MAML2: variants seen among roughly 807,000 people sequenced by gnomAD.
MAML2 encodes the protein mastermind like transcriptional coactivator 2.
Under a neutral mutation model 96.1 loss-of-function variants are expected in MAML2, and 22 were observed. The observed-to-expected ratio is 0.23, with a 90% confidence interval of 0.16 to 0.33. The LOEUF (loss-of-function observed/expected upper bound fraction) is 0.33, where lower values mean the gene tolerates loss of function less well. Ranked by LOEUF, MAML2 falls within the 10% of genes least tolerant of loss-of-function variation. The probability of loss-of-function intolerance (pLI) is 1.00; values close to 1 mark genes in which losing one functional copy is unlikely to be tolerated. For synonymous variants in MAML2, 561 were observed against 521.3 expected, an observed-to-expected ratio of 1.08 and a Z score of -1.04; for missense variants, 1,367 against 1,392.4, an observed-to-expected ratio of 0.98 and a Z score of 0.29.
At chr11:95,988,795 CA>C (rs1188413280) in intron 3 of MAML2, among the ~76,000 whole-genome samples, 12 of 151,922 alleles carry the variant, frequency 7.9e-5, no homozygotes, top group Non-Finnish European at 1.8e-4. Context: ...CTATTCTGTG[CA>C]AGTGTAAACA....
chr11:96,022,582 T>C (rs1858452212), intron 2 of MAML2, among the ~76,000 whole-genome samples: 1 of 145,486 alleles, frequency 6.9e-6, no homozygotes, highest in Non-Finnish European at 1.6e-5. Context: ...TCCCTGTCTA[T>C]CTGTCCCCCG....
At chr11:96,303,179 T>C (rs1243339853) in intron 1 of MAML2, among the ~76,000 whole-genome samples, 2 of 152,240 alleles carry the variant, frequency 1.3e-5, no homozygotes, top group Admixed American at 1.3e-4. Context: ...CAATGTTCTC[T>C]ATACTTTGCT....
At chr11:96,259,248 A>T (rs534368759) in intron 1 of MAML2, among the ~76,000 whole-genome samples, 4 of 151,270 alleles carry the variant, frequency 2.6e-5, no homozygotes, top group Non-Finnish European at 4.4e-5. Context: ...TTCTTTCCAG[A>T]TGTTTTTTTT....
chr11:96,034,456 A>AGAGAGAGTGTGTGT (rs766634690), intron 2 of MAML2, among the ~76,000 whole-genome samples: 13 of 144,830 alleles, frequency 9.0e-5, no homozygotes, highest in African/African-American at 3.4e-4. Flanking sequence ...AGAGAGAGAG[A>AGAGAGAGTGTGTGT]GTGTGTGTGT....
intron 1 of MAML2, among the ~76,000 whole-genome samples, chr11:96,247,709 G>C (rs2135964760): frequency 6.6e-6 from 1 of 152,162 alleles, no homozygotes; most frequent in East Asian, 1.9e-4. Flanking sequence ...CATTCTTCTG[G>C]TTCCATTAAC....
chr11:95,997,368 C>T (rs531472601), intron 2 of MAML2, among the ~76,000 whole-genome samples: 3 of 152,202 alleles, frequency 2.0e-5, no homozygotes, highest in East Asian at 1.9e-4. Context: ...GATAGTGTAG[C>T]ATGCCAGTGC....
intron 2 of MAML2, among the ~76,000 whole-genome samples, chr11:96,060,549 A>G (rs1859141140): frequency 6.6e-6 from 1 of 152,202 alleles, no homozygotes; most frequent in South Asian, 2.1e-4. Context: ...GAAACACTGA[A>G]GCATGCACAG....
chr11:96,252,237 C>A (rs117154492), intron 1 of MAML2, among the ~76,000 whole-genome samples: 4,930 of 151,990 alleles, frequency 0.032, 104 homozygotes, highest in South Asian at 0.063. Context: ...TGAAGTCAAC[C>A]AACATTAAGT....
chr11:96,010,492 A>T (rs1169991365), intron 2 of MAML2, among the ~76,000 whole-genome samples: 1 of 152,224 alleles, frequency 6.6e-6, no homozygotes, highest in Non-Finnish European at 1.5e-5. Context: ...AGTTACCTGT[A>T]GACCAGGTAG....
intron 1 of MAML2, among the ~76,000 whole-genome samples, chr11:96,140,295 T>G (rs1860710096): frequency 6.6e-6 from 1 of 152,216 alleles, no homozygotes; most frequent in Non-Finnish European, 1.5e-5. Context: ...ACCATACTGT[T>G]GACAAGTTAT....
At position 95,978,959 on chromosome 11, in the gene MAML2, TC is replaced by T. The variant is rs762063465; in HGVS notation, c.3459del (p.Asn1154ThrfsTer26). On this transcript the variant is annotated frameshift_variant, in exon 5 of 5. Transcript: ENST00000524717. LOFTEE classifies it high-confidence loss of function. ...MKDINLDEIL[G>X]NNS ...CTTCCCTTTCTTCTTTAGGAATTGT[TC>T]CCCAAGATTTCATCAAGATTGATGT... The T allele has an allele frequency of 1.5e-5, 24 of 1,606,082 alleles. No homozygotes were observed. The highest frequency in any genetic ancestry group is 2.0e-5 in the Non-Finnish European group (24 of 1,176,472).
chr11:96,064,813 A>G (rs1859220199), intron 2 of MAML2, among the ~76,000 whole-genome samples: 1 of 152,246 alleles, frequency 6.6e-6, no homozygotes, highest in South Asian at 2.1e-4. Flanking sequence ...CTAGCACAAA[A>G]TAAATCTTCA....
chr11:96,100,916 T>C (rs1859918546), intron 1 of MAML2, among the ~76,000 whole-genome samples: 1 of 151,934 alleles, frequency 6.6e-6, no homozygotes, highest in African/African-American at 2.4e-5. Flanking sequence ...TGGCTGATTT[T>C]AAATTTTTTT....
chr11:96,121,015 A>G (rs986584650), intron 1 of MAML2, among the ~76,000 whole-genome samples: 3 of 152,208 alleles, frequency 2.0e-5, no homozygotes, highest in Non-Finnish European at 4.4e-5. Flanking sequence ...AAATGGTGCA[A>G]CAGTCCCTTG....
chr11:96,106,410 C>T (rs1244819230), intron 1 of MAML2, among the ~76,000 whole-genome samples: 5 of 152,180 alleles, frequency 3.3e-5, no homozygotes, highest in Non-Finnish European at 7.4e-5. Flanking sequence ...TATCTTTAAA[C>T]AAGAATATGT....
chr11:96,237,884 T>A (rs899499013), intron 1 of MAML2, among the ~76,000 whole-genome samples: 5 of 152,226 alleles, frequency 3.3e-5, no homozygotes, highest in African/African-American at 1.2e-4. Flanking sequence ...TTTGAATGCA[T>A]CCTGACAACT....
chr11:96,123,886 A>G (rs1860392261), intron 1 of MAML2, among the ~76,000 whole-genome samples: 1 of 152,058 alleles, frequency 6.6e-6, no homozygotes, highest in Non-Finnish European at 1.5e-5. Context: ...CTAGCCTAAC[A>G]TGGTGAAAAC....
chr11:96,151,342 A>C (rs1393188152), intron 1 of MAML2, among the ~76,000 whole-genome samples: 1 of 152,114 alleles, frequency 6.6e-6, no homozygotes, highest in Non-Finnish European at 1.5e-5. Flanking sequence ...AAATATTTCC[A>C]TTATTTCTTC....
chr11:96,087,558 GTC>G (rs1382802758), intron 2 of MAML2, among the ~76,000 whole-genome samples: 1 of 152,108 alleles, frequency 6.6e-6, no homozygotes, highest in Non-Finnish European at 1.5e-5. Context: ...CATCTCTCGA[GTC>G]TCTATCCCAT....
Sources: gnomAD v4.1 joint callset for allele counts (sites outside exome capture counted in the v4.1 genomes callset) on GRCh38, gnomAD v4.1.1 for gene constraint, MANE v1.5 for transcripts, NCBI Gene and HGNC (gene_info 2026-07-23, HGNC 2026-07-21) for gene names.